The following CSMD1 variants were observed in gnomAD, a reference collection of about 807,000 sequenced individuals.
The protein encoded by CSMD1 is CUB and Sushi multiple domains 1, also known as CUB and sushi domain-containing protein 1.
In CSMD1, 213 loss-of-function variants were observed where a neutral mutation model predicts 417.5. The observed-to-expected ratio is 0.51, with a 90% CI of 0.46 to 0.57. The LOEUF (loss-of-function observed/expected upper bound fraction) is 0.57, where lower values mean the gene tolerates loss of function less well. Ranked by LOEUF, CSMD1 falls within the 20% of genes least tolerant of loss-of-function variation. The probability of loss-of-function intolerance (pLI) is 0.00; values close to 1 mark genes in which losing one functional copy is unlikely to be tolerated. For synonymous variants in CSMD1, 2,862 were observed against 1,736.8 expected (o/e 1.65, Z -16.11); for missense variants, 6,923 against 4,529.7 (o/e 1.53, Z -15.17).
chr8:4,413,101 G>A (rs77359419), intron 3 of CSMD1, among the ~76,000 whole-genome samples: 4,312 of 152,152 alleles, frequency 0.028, 99 homozygotes, highest in African/African-American at 0.066. Context: ...ATATTTCATG[G>A]CCCTCAAATT....
At chr8:4,097,754 T>A (rs181161608) in intron 3 of CSMD1, among the ~76,000 whole-genome samples, 1 of 152,350 alleles carries the variant, frequency 6.6e-6, no homozygotes, top group East Asian at 1.9e-4. Flanking sequence ...AGTGTAGTTG[T>A]CAAATTCTGG....
At chr8:4,433,056 C>A (rs745360126) in intron 2 of CSMD1, among the ~76,000 whole-genome samples, 5 of 152,144 alleles carry the variant, frequency 3.3e-5, no homozygotes, top group African/African-American at 1.2e-4. Context: ...ATCGAGGTTG[C>A]ACACTCTTTA....
At chr8:3,874,937 T>G (rs1057053043) in intron 5 of CSMD1, among the ~76,000 whole-genome samples, 1 of 152,114 alleles carries the variant, frequency 6.6e-6, no homozygotes, top group Non-Finnish European at 1.5e-5. Flanking sequence ...CCTTGGGGCC[T>G]GACATTTAAT....
intron 3 of CSMD1, among the ~76,000 whole-genome samples, chr8:4,363,900 A>G (rs1204324648): frequency 6.6e-6 from 1 of 151,956 alleles, no homozygotes; most frequent in Non-Finnish European, 1.5e-5. Context: ...ACCAGAGTCT[A>G]GAAAGGGTGT....
chr8:4,326,001 T>C (rs1360233060), intron 3 of CSMD1, among the ~76,000 whole-genome samples: 2 of 152,136 alleles, frequency 1.3e-5, no homozygotes, highest in Admixed American at 1.3e-4. Flanking sequence ...ACGAACTCAG[T>C]AAAGACGTTG....
At chr8:4,022,033 C>A (rs1796813354) in intron 4 of CSMD1, among the ~76,000 whole-genome samples, 1 of 151,154 alleles carries the variant, frequency 6.6e-6, no homozygotes, top group African/African-American at 2.4e-5. Context: ...AGTCCAGGTG[C>A]CTATATTTTT....
At chr8:4,791,626 G>A (rs1338131587) in intron 1 of CSMD1, among the ~76,000 whole-genome samples, 1 of 152,118 alleles carries the variant, frequency 6.6e-6, no homozygotes, top group Non-Finnish European at 1.5e-5. Flanking sequence ...CAACGTAAGG[G>A]TTGAGCTCAC....
intron 2 of CSMD1, among the ~76,000 whole-genome samples, chr8:4,513,321 T>C (rs1239578868): frequency 6.6e-6 from 1 of 152,114 alleles, no homozygotes; most frequent in African/African-American, 2.4e-5. Flanking sequence ...TCTACAAAAC[T>C]AAATCTAGTA....
At chr8:3,629,615 C>G (rs1433394555) in intron 7 of CSMD1, among the ~76,000 whole-genome samples, 1 of 152,152 alleles carries the variant, frequency 6.6e-6, no homozygotes, top group Non-Finnish European at 1.5e-5. Context: ...GAGTCAATCT[C>G]TATGATTCCT....
rs1037651742 is a variant in CSMD1, at chr8:4,116,220, C to T, written c.416-84121G>A. On this transcript the variant is annotated intron_variant, in intron 3 of 69. Transcript: ENST00000635120. ...TGTTGGCCAGGCTGGTCCTGAACTCCTGACCTCAGGTGATCCACAAGCCTC... is the reference window on the plus strand; with the variant it reads ...TGTTGGCCAGGCTGGTCCTGAACTCTTGACCTCAGGTGATCCACAAGCCTC... Among the ~76,000 whole-genome samples the T allele has an allele frequency of 3.3e-5, 5 of 151,956 alleles. No individual in the cohort carries two copies. The East Asian group carries it at 7.7e-4, about 24-fold the overall frequency.
intron 3 of CSMD1, among the ~76,000 whole-genome samples, chr8:4,194,507 A>G (rs951142831): frequency 6.6e-6 from 1 of 152,174 alleles, no homozygotes; most frequent in Non-Finnish European, 1.5e-5. Flanking sequence ...TCATGTAAAT[A>G]ATGCCAGGAA....
At chr8:3,921,810 C>A (rs1040882741) in intron 5 of CSMD1, among the ~76,000 whole-genome samples, 4 of 152,120 alleles carry the variant, frequency 2.6e-5, no homozygotes, top group Admixed American at 1.3e-4. Flanking sequence ...AACATATGAT[C>A]TATCCTGGAG....
chr8:3,610,976 C>A (rs1160020074), intron 8 of CSMD1, among the ~76,000 whole-genome samples: 2 of 150,612 alleles, frequency 1.3e-5, no homozygotes, highest in African/African-American at 4.9e-5. Flanking sequence ...AGAAAAGGTG[C>A]AGTGTCACTT....
At chr8:4,968,555 T>C (rs78006206) in intron 1 of CSMD1, among the ~76,000 whole-genome samples, 15,788 of 152,132 alleles carry the variant, frequency 0.1, 915 homozygotes, top group South Asian at 0.23. Context: ...ATTTTTTATA[T>C]ATATTTTTTT....
chr8:4,956,983 T>C (rs1750292568), intron 1 of CSMD1, among the ~76,000 whole-genome samples: 2 of 152,200 alleles, frequency 1.3e-5, no homozygotes, highest in South Asian at 2.1e-4. Flanking sequence ...TGCTCCTGAT[T>C]CTTGTGTCTG....
At chr8:3,835,896 A>G (rs1214538838) in intron 5 of CSMD1, among the ~76,000 whole-genome samples, 2 of 151,906 alleles carry the variant, frequency 1.3e-5, no homozygotes, top group East Asian at 3.9e-4. Context: ...GAAGGCTTTG[A>G]TAAGACTTTT....
At chr8:3,616,486 C>A in intron 8 of CSMD1, among the ~76,000 whole-genome samples, 1 of 152,050 alleles carries the variant, frequency 6.6e-6, no homozygotes, top group Non-Finnish European at 1.5e-5. Flanking sequence ...CTCTGGTATG[C>A]CTTTATTAGC....
chr8:3,952,580 A>G (rs574282179), intron 5 of CSMD1, among the ~76,000 whole-genome samples: 1 of 152,348 alleles, frequency 6.6e-6, no homozygotes, highest in East Asian at 1.9e-4. Context: ...ACAGATCAGC[A>G]GTCACCAAGA....
chr8:3,634,505 G>C (rs150216920), intron 7 of CSMD1, among the ~76,000 whole-genome samples: 1 of 152,132 alleles, frequency 6.6e-6, no homozygotes, highest in Non-Finnish European at 1.5e-5. Context: ...TGAACCTGCT[G>C]TCTCCCGGAC....
Sources: allele counts gnomAD v4.1 joint callset (sites outside exome capture counted in the v4.1 genomes callset), GRCh38; gene constraint gnomAD v4.1.1; transcripts MANE v1.5; gene names NCBI Gene and HGNC (gene_info 2026-07-23, HGNC 2026-07-21).